Variants in ADAMTS6 observed in about 807,000 individuals in gnomAD.
ADAMTS6 encodes ADAM metallopeptidase with thrombospondin type 1 motif 6.
ADAMTS6 carries 23 observed loss-of-function variants against 144.3 expected under a neutral mutation model. The observed-to-expected ratio is 0.16, with a 90% CI of 0.11 to 0.23. The LOEUF (loss-of-function observed/expected upper bound fraction) is 0.23. Ranked by LOEUF, ADAMTS6 falls within the 10% of genes least tolerant of loss-of-function variation. The probability of loss-of-function intolerance (pLI) is 1.00; values close to 1 mark genes in which losing one functional copy is unlikely to be tolerated. For synonymous variants in ADAMTS6, 444 were observed against 457.5 expected, an observed-to-expected ratio of 0.97 and a Z score of 0.38; for missense variants, 999 against 1,379.6, an observed-to-expected ratio of 0.72 and a Z score of 4.37.
intron 7 of ADAMTS6, among the ~76,000 whole-genome samples, chr5:65,369,652 TATG>T (rs899196376): frequency 1.3e-5 from 2 of 152,190 alleles, no homozygotes; most frequent in Admixed American, 1.3e-4. Flanking sequence ...CATATAGCCT[TATG>T]ATATCTCATG....
intron 11 of ADAMTS6, among the ~76,000 whole-genome samples, chr5:65,280,256 C>T (rs527555881): frequency 6.6e-6 from 1 of 152,168 alleles, no homozygotes; most frequent in Non-Finnish European, 1.5e-5. Flanking sequence ...GAGACATTGG[C>T]TTTTGAGGAC....
chr5:65,256,794 G>A (rs1760695936), intron 14 of ADAMTS6, among the ~76,000 whole-genome samples: 1 of 151,994 alleles, frequency 6.6e-6, no homozygotes, highest in Admixed American at 6.6e-5. Context: ...GAATTGAGAG[G>A]TGGGTTTGAT....
rs574946562 is a variant in ADAMTS6 at position 65,471,963 on chromosome 5, C to A, written c.98-821G>T. Among the ~76,000 whole-genome samples the A allele has an allele frequency of 1.2e-4, 18 of 152,164 alleles. No homozygotes were observed. In the East Asian group the frequency reaches 3.3e-3, roughly 28 times the overall value. On this transcript the variant is annotated intron_variant, in intron 2 of 24. Coordinates refer to ENST00000381055, the MANE Select transcript of ADAMTS6 (RefSeq NM_197941.4). ...TAAAAATTTAGATGTGAATGCTCAGCAATATTCATCATACTCAAAAAGGGG... is the reference window on the plus strand; with the variant it reads ...TAAAAATTTAGATGTGAATGCTCAGAAATATTCATCATACTCAAAAAGGGG...
At chr5:65,375,206 G>T (rs1030265848) in intron 7 of ADAMTS6, among the ~76,000 whole-genome samples, 2 of 152,108 alleles carry the variant, frequency 1.3e-5, no homozygotes, top group African/African-American at 4.8e-5. Flanking sequence ...ATGGGCAAAG[G>T]CTTCATGTCT....
chr5:65,278,226 C>T (rs536544525), intron 11 of ADAMTS6, among the ~76,000 whole-genome samples: 260 of 152,250 alleles, frequency 1.7e-3, no homozygotes, highest in African/African-American at 5.9e-3. Flanking sequence ...ACTCATTAGT[C>T]GATGGGCACT....
chr5:65,477,949 A>C (rs1403123511), intron 1 of ADAMTS6, among the ~76,000 whole-genome samples: 2 of 151,868 alleles, frequency 1.3e-5, no homozygotes, highest in Non-Finnish European at 2.9e-5. Flanking sequence ...CCAACATTTC[A>C]AAATCTTGTC....
chr5:65,162,661 T>C (rs1284921756), intron 24 of ADAMTS6, among the ~76,000 whole-genome samples: 10 of 125,726 alleles, frequency 8.0e-5, no homozygotes, highest in Non-Finnish European at 1.5e-4. Context: ...ACACACACAC[T>C]TGCAGAGAGA....
intron 22 of ADAMTS6, among the ~76,000 whole-genome samples, chr5:65,175,074 A>G (rs372452955): frequency 6.9e-4 from 105 of 152,244 alleles, no homozygotes; most frequent in African/African-American, 2.5e-3. Context: ...ATGAGTTCCC[A>G]TACATAGACC....
In ADAMTS6 at chr5:65,262,855, T is replaced by C; in HGVS notation, c.1728A>G (p.Gly576=). The C allele has an allele frequency of 1.3e-6, 2 of 1,577,602 alleles. No homozygotes were observed. The highest frequency in any genetic ancestry group is 1.9e-5 in the Admixed American group (1 of 53,166). The change falls in exon 13 of 25, where the codon GGA becomes GGG. Residue 576 remains glycine, a synonymous_variant. Coordinates refer to ENST00000381055, the MANE Select transcript of ADAMTS6 (RefSeq NM_197941.4). The part of the protein sequence containing the change: ...LWGECSRTCG[G]GVSSSLRHCD... ...AGTGTCTTAGGGATGAGGAGACGCC[T>C]CCCCCGCAGGTCCTGCTGCACTCTC...
At chr5:65,336,623 G>A (rs1357966587) in intron 7 of ADAMTS6, among the ~76,000 whole-genome samples, 2 of 151,952 alleles carry the variant, frequency 1.3e-5, no homozygotes, top group East Asian at 3.8e-4. Context: ...CAAATTGAGG[G>A]CACTCTTCAT....
chr5:65,472,997 G>A lies in ADAMTS6; in HGVS notation c.97+580C>T, dbSNP rs765280745. Among the ~76,000 whole-genome samples, 3 of 152,008 alleles carry A rather than the reference G, an allele frequency of 2.0e-5. No homozygotes were observed. In the South Asian group the frequency reaches 6.2e-4, roughly 32 times the overall value. On this transcript the variant is annotated intron_variant, in intron 2 of 24. Transcript: ENST00000381055. ...TGGACTGGTCCATGGAAAACAAAAT[G>A]ACATTTACTCCTGGGCCTGCTTTGT...
chr5:65,350,663 G>A (rs1238160545), intron 7 of ADAMTS6, among the ~76,000 whole-genome samples: 1 of 152,008 alleles, frequency 6.6e-6, no homozygotes, highest in East Asian at 1.9e-4. Context: ...TTGGGGGCGT[G>A]AGGGGGTGGG....
chr5:65,321,338 T>C (rs1011431507), intron 9 of ADAMTS6, among the ~76,000 whole-genome samples: 5 of 152,096 alleles, frequency 3.3e-5, no homozygotes, highest in Admixed American at 6.6e-5. Flanking sequence ...TATGTATGTA[T>C]GTCTTGTTTG....
intron 15 of ADAMTS6, among the ~76,000 whole-genome samples, chr5:65,235,593 AAAAG>A (rs1035329233): frequency 1.3e-5 from 2 of 152,162 alleles, no homozygotes; most frequent in African/African-American, 2.4e-5. Context: ...GAAAAATGTG[AAAAG>A]AGAGACTGGC....
chr5:65,263,280 A>C (rs1761348882), intron 12 of ADAMTS6, among the ~76,000 whole-genome samples: 1 of 152,098 alleles, frequency 6.6e-6, no homozygotes, highest in Admixed American at 6.6e-5. Context: ...ATAGACCTCA[A>C]AGTCTTTTTT....
chr5:65,158,379 A>G (rs1312844314), intron 24 of ADAMTS6, among the ~76,000 whole-genome samples: 1 of 152,138 alleles, frequency 6.6e-6, no homozygotes, highest in African/African-American at 2.4e-5. Flanking sequence ...GGGCTGGTAA[A>G]CCATTGTACA....
intron 22 of ADAMTS6, among the ~76,000 whole-genome samples, chr5:65,176,079 G>A (rs574617515): frequency 6.6e-6 from 1 of 151,490 alleles, no homozygotes; most frequent in South Asian, 2.1e-4. Context: ...AAAGAAGTTC[G>A]CTTTGGAAAA....
chr5:65,262,497 G>T (rs1416609821), intron 13 of ADAMTS6, among the ~76,000 whole-genome samples: 1 of 152,162 alleles, frequency 6.6e-6, no homozygotes, highest in Non-Finnish European at 1.5e-5. Context: ...GCTAAGACCA[G>T]ATCTGGATTC....
rs1752418769 is a variant in ADAMTS6, at chr5:65,385,655, T to C, written c.1074-51570A>G. Among the ~76,000 whole-genome samples, 3 of 152,348 alleles carry C rather than the reference T, an allele frequency of 2.0e-5. No homozygotes were observed. In the South Asian group the frequency reaches 6.2e-4, roughly 32 times the overall value. On this transcript the variant is annotated intron_variant, in intron 7 of 24. Coordinates refer to ENST00000381055, the MANE Select transcript of ADAMTS6 (RefSeq NM_197941.4). ...TTGAGCCACTCTATATGAAGATCAATTAATTCTGATTCCCAATAAATTTCT... is the reference window on the plus strand; with the variant it reads ...TTGAGCCACTCTATATGAAGATCAACTAATTCTGATTCCCAATAAATTTCT...
Sources: gnomAD v4.1 joint callset for allele counts (sites outside exome capture counted in the v4.1 genomes callset) on GRCh38, gnomAD v4.1.1 for gene constraint, MANE v1.5 for transcripts, NCBI Gene and HGNC (gene_info 2026-07-23, HGNC 2026-07-21) for gene names.